Variants in PABPC4L observed in about 807,000 individuals in gnomAD.
The protein encoded by PABPC4L is polyadenylate-binding protein 4-like.
For missense variants in PABPC4L, 452 were observed against 451.4 expected (o/e 1.00, Z -0.01); for synonymous variants, 169 against 164.1 (o/e 1.03, Z -0.23).
chr4:133,959,560 G>A, the PABPC4L span, among the ~76,000 whole-genome samples: 6 of 152,140 alleles, frequency 3.9e-5, no homozygotes, highest in Admixed American at 6.5e-5. Flanking sequence ...GCTGAGACTA[G>A]TTCAAAATAA....
chr4:134,010,488 C>T, the PABPC4L span: 1 of 152,072 alleles, frequency 6.6e-6, no homozygotes, highest in Admixed American at 6.6e-5. Context: ...CTGTCAAGAA[C>T]AGCCAAAATA....
chr4:134,164,983 T>C, the PABPC4L span, among the ~76,000 whole-genome samples: 1 of 152,082 alleles, frequency 6.6e-6, no homozygotes, highest in Non-Finnish European at 1.5e-5. Context: ...GCCAAATACT[T>C]ATAACCAACT....
At chr4:134,042,273 T>C in the PABPC4L span, among the ~76,000 whole-genome samples, 3 of 151,952 alleles carry the variant, frequency 2.0e-5, no homozygotes, top group African/African-American at 7.2e-5. Flanking sequence ...AGTGGTACAA[T>C]GGACATTGGA....
chr4:134,021,114 C>A, the PABPC4L span, among the ~76,000 whole-genome samples: 1 of 152,104 alleles, frequency 6.6e-6, no homozygotes, highest in Admixed American at 6.6e-5. Context: ...TAAGTTTCAA[C>A]ATTCTTTCCC....
chr4:134,040,429 T>G, the PABPC4L span, among the ~76,000 whole-genome samples: 3 of 152,120 alleles, frequency 2.0e-5, no homozygotes, highest in Non-Finnish European at 2.9e-5. Flanking sequence ...ACCACACATC[T>G]ACAATCACCT....
the PABPC4L span, among the ~76,000 whole-genome samples, chr4:134,183,618 T>G: frequency 6.6e-6 from 1 of 151,936 alleles, no homozygotes; most frequent in East Asian, 1.9e-4. Flanking sequence ...TACCTGCAAA[T>G]GTACACCAAA....
the PABPC4L span, among the ~76,000 whole-genome samples, chr4:134,133,121 TATATC>T: frequency 1.2e-4 from 2 of 16,502 alleles, no homozygotes; most frequent in Non-Finnish European, 1.6e-4. Flanking sequence ...TATTATATAA[TATATC>T]ATATTACATA....
chr4:134,118,498 G>A, the PABPC4L span, among the ~76,000 whole-genome samples: 1 of 151,660 alleles, frequency 6.6e-6, no homozygotes, highest in Non-Finnish European at 1.5e-5. Context: ...ACAGTCTAAG[G>A]CAACACTTAG....
chr4:134,153,344 T>C, the PABPC4L span, among the ~76,000 whole-genome samples: 1 of 151,954 alleles, frequency 6.6e-6, no homozygotes, highest in Admixed American at 6.6e-5. Context: ...ATGCTGGTTT[T>C]TGAAGTATGT....
the PABPC4L span, among the ~76,000 whole-genome samples, chr4:133,971,106 C>CTTTTT: frequency 2.2e-4 from 14 of 63,984 alleles, no homozygotes; most frequent in East Asian, 5.3e-4. Flanking sequence ...ATCTTATATT[C>CTTTTT]TTTTTTTTTT....
chr4:133,969,222 A>G, the PABPC4L span, among the ~76,000 whole-genome samples: 7 of 152,356 alleles, frequency 4.6e-5, no homozygotes, highest in East Asian at 1.2e-3. Flanking sequence ...TTCCAGGGAA[A>G]TGGCAAGAGA....
Position 134,200,117 on chromosome 4 carries a change from A to T in PABPC4L, c.903T>A (p.Asp301Glu), listed in dbSNP as rs1394314632. Reference sequence around the variant, plus strand: ...GTAGTTTTTCATCATCGATGGTGTCATCAAGGTTCTTAATATAGAGTTTTA... The same window carrying T: ...GTAGTTTTTCATCATCGATGGTGTCTTCAAGGTTCTTAATATAGAGTTTTA... The part of the protein sequence containing the change: ...QGVKLYIKNL[D>E]DTIDDEKLRN... The change falls in exon 2 of 2, where the codon GAT (aspartate) becomes GAA (glutamate). Residue 301 changes from aspartate to glutamate, a missense_variant. Physicochemically the swap from Asp to Glu is conservative, Grantham distance 45. Coordinates refer to ENST00000421491, the MANE Select transcript of PABPC4L (RefSeq NM_001114734.2). The T allele has an allele frequency of 7.7e-6, 12 of 1,551,570 alleles. No homozygotes were observed. In the Admixed American group the frequency reaches 2.4e-4, roughly 30 times the overall value.
At chr4:134,081,868 A>G in the PABPC4L span, among the ~76,000 whole-genome samples, 3 of 152,134 alleles carry the variant, frequency 2.0e-5, no homozygotes, top group Non-Finnish European at 4.4e-5. Context: ...TTGATGCTGA[A>G]ATATAATGCT....
chr4:134,017,252 A>G, the PABPC4L span, among the ~76,000 whole-genome samples: 2 of 152,102 alleles, frequency 1.3e-5, no homozygotes, highest in African/African-American at 4.8e-5. Flanking sequence ...AGGACTACAC[A>G]ATACTTTTAT....
At chr4:134,160,816 C>A in the PABPC4L span, among the ~76,000 whole-genome samples, 3 of 151,598 alleles carry the variant, frequency 2.0e-5, no homozygotes, top group African/African-American at 7.3e-5. Flanking sequence ...CAGAGTGAGA[C>A]CCCATCTGTA....
the PABPC4L span, among the ~76,000 whole-genome samples, chr4:134,061,546 C>T: frequency 1.3e-5 from 2 of 151,300 alleles, no homozygotes; most frequent in Non-Finnish European, 3.0e-5. Context: ...GGGAAATGTC[C>T]TGTAAGAACA....
chr4:134,097,930 A>G, the PABPC4L span, among the ~76,000 whole-genome samples: 67 of 152,008 alleles, frequency 4.4e-4, 1 homozygote, highest in African/African-American at 1.6e-3. Context: ...AGAAATCTTG[A>G]TAACAGGCAG....
Position 134,200,261 on chromosome 4 carries a change from C to G in PABPC4L, c.759G>C (p.Arg253Ser). The G allele has an allele frequency of 6.4e-7, 1 of 1,557,842 alleles. No individual in the cohort carries two copies. The highest frequency in any genetic ancestry group is 1.2e-5 in the South Asian group (1 of 84,476). The change falls in exon 2 of 2, where the codon AGG (arginine) becomes AGC (serine). Residue 253 changes from arginine (R) to serine (S), a missense_variant. By Grantham distance (110) the Arg-to-Ser change is moderately radical (BLOSUM62 -1). Transcript: ENST00000421491. ...AKKAVEEMNG[R>S]DINGQLIFVG... Reference sequence around the variant, plus strand: ...CAAAAATCAGCTGCCCATTTATGTCCCTTCCATTCATTTCTTCAACAGCTT... The same window carrying G: ...CAAAAATCAGCTGCCCATTTATGTCGCTTCCATTCATTTCTTCAACAGCTT...
chr4:134,031,765 T>C, the PABPC4L span, among the ~76,000 whole-genome samples: 11 of 151,878 alleles, frequency 7.2e-5, no homozygotes, highest in Admixed American at 2.0e-4. Flanking sequence ...TATATAACAA[T>C]AATCTCTGCC....
Sources: allele counts gnomAD v4.1 joint callset (sites outside exome capture counted in the v4.1 genomes callset), GRCh38; gene constraint gnomAD v4.1.1; transcripts MANE v1.5; gene names NCBI Gene and HGNC (gene_info 2026-07-23, HGNC 2026-07-21).